TRHDE: variants seen among roughly 807,000 people sequenced by gnomAD.
The protein encoded by TRHDE is thyrotropin-releasing hormone-degrading ectoenzyme.
A neutral mutation model predicts 125.7 loss-of-function variants in TRHDE; 72 were observed. The ratio of observed to expected loss-of-function variants is 0.57; its 90% CI spans 0.47 to 0.70. The LOEUF (loss-of-function observed/expected upper bound fraction) is 0.70. TRHDE is among the 30% of genes least tolerant of loss of function. The pLI is 0.00. For missense variants in TRHDE, 1,110 were observed against 1,327.1 expected, an observed-to-expected ratio of 0.84 and a Z score of 2.54; for synonymous variants, 509 against 509.1, an observed-to-expected ratio of 1.00 and a Z score of 0.00.
intron 1 of TRHDE, among the ~76,000 whole-genome samples, chr12:72,092,052 G>T (rs1874804420): frequency 6.6e-6 from 1 of 152,184 alleles, no homozygotes; most frequent in South Asian, 2.1e-4. Flanking sequence ...GTCTCAGGCA[G>T]TAACAGTAGT....
At chr12:72,594,837 A>T (rs1377719868) in intron 12 of TRHDE, among the ~76,000 whole-genome samples, 1 of 151,950 alleles carries the variant, frequency 6.6e-6, no homozygotes, top group Non-Finnish European at 1.5e-5. Context: ...GGCACTATTC[A>T]CAATAGCAAA....
At chr12:72,447,024 C>T (rs992247541) in intron 3 of TRHDE, among the ~76,000 whole-genome samples, 3 of 152,144 alleles carry the variant, frequency 2.0e-5, no homozygotes, top group African/African-American at 7.2e-5. Flanking sequence ...ACCTAATAGA[C>T]ATCTACAGAA....
At chr12:72,171,234 C>A (rs1876866818) in intron 2 of TRHDE, among the ~76,000 whole-genome samples, 1 of 150,966 alleles carries the variant, frequency 6.6e-6, no homozygotes, top group East Asian at 1.9e-4. Context: ...GAAAAAGAGG[C>A]CTTATCTAAA....
At chr12:72,456,576 A>G (rs1340020558) in intron 3 of TRHDE, among the ~76,000 whole-genome samples, 2 of 152,074 alleles carry the variant, frequency 1.3e-5, no homozygotes, top group Non-Finnish European at 2.9e-5. Flanking sequence ...TGTCGTTTTG[A>G]GCTAAAGAAC....
chr12:72,227,398 A>G (rs1395795133), intron 2 of TRHDE, among the ~76,000 whole-genome samples: 2 of 152,088 alleles, frequency 1.3e-5, no homozygotes, highest in Non-Finnish European at 2.9e-5. Flanking sequence ...AAAACCATCA[A>G]TCTCATGAAA....
At chr12:72,234,188 C>T (rs761613206) in intron 2 of TRHDE, among the ~76,000 whole-genome samples, 112 of 152,002 alleles carry the variant, frequency 7.4e-4, no homozygotes, top group Admixed American at 3.5e-3. Context: ...CTAAGTGATA[C>T]GGAGAAAATA....
intron 6 of TRHDE, among the ~76,000 whole-genome samples, chr12:72,534,682 T>G (rs1033985188): frequency 4.6e-5 from 7 of 152,238 alleles, no homozygotes; most frequent in African/African-American, 1.2e-4. Context: ...TAATTTAAAT[T>G]AATTCTAAGA....
chr12:72,578,998 T>A (rs1871124978), intron 12 of TRHDE, among the ~76,000 whole-genome samples: 1 of 150,586 alleles, frequency 6.6e-6, no homozygotes, highest in East Asian at 1.9e-4. Flanking sequence ...TTTTTTTTTT[T>A]ATGAACAGAA....
chr12:72,316,764 AAG>A (rs1430482432), intron 2 of TRHDE, among the ~76,000 whole-genome samples: 3 of 152,192 alleles, frequency 2.0e-5, no homozygotes, highest in African/African-American at 7.2e-5. Flanking sequence ...TTTAAAAAAT[AAG>A]AGTGCATTGG....
intron 12 of TRHDE, among the ~76,000 whole-genome samples, chr12:72,603,845 A>G (rs1348325959): frequency 6.6e-6 from 1 of 152,224 alleles, no homozygotes; most frequent in Non-Finnish European, 1.5e-5. Context: ...ATTAACACTG[A>G]GACACATGTT....
At chr12:72,515,587 G>C (rs1001732430) in intron 6 of TRHDE, among the ~76,000 whole-genome samples, 1 of 152,072 alleles carries the variant, frequency 6.6e-6, no homozygotes, top group African/African-American at 2.4e-5. Flanking sequence ...CCATGTTGTA[G>C]GTTGTCTGTT....
intron 3 of TRHDE, among the ~76,000 whole-genome samples, chr12:72,429,405 C>T (rs927413180): frequency 8.0e-5 from 12 of 149,266 alleles, no homozygotes; most frequent in Non-Finnish European, 1.6e-4. Flanking sequence ...AAAGATATAC[C>T]ACATTTTATT....
At chr12:72,640,511 G>A (rs961518099) in intron 15 of TRHDE, among the ~76,000 whole-genome samples, 3 of 152,056 alleles carry the variant, frequency 2.0e-5, no homozygotes, top group Admixed American at 1.3e-4. Flanking sequence ...GTTCCTATTC[G>A]GCCATCTTCT....
intron 2 of TRHDE, among the ~76,000 whole-genome samples, chr12:72,214,171 G>A (rs1275722654): frequency 6.6e-6 from 1 of 152,112 alleles, no homozygotes; most frequent in East Asian, 1.9e-4. Context: ...TTTTTAGAGA[G>A]GGCACGAAGG....
At chr12:72,498,147 T>C (rs1249551736) in intron 5 of TRHDE, among the ~76,000 whole-genome samples, 1 of 152,114 alleles carries the variant, frequency 6.6e-6, no homozygotes, top group African/African-American at 2.4e-5. Flanking sequence ...GGCCATAGAC[T>C]ATAAAACATA....
chr12:72,111,425 G>A (rs552071883), intron 2 of TRHDE, among the ~76,000 whole-genome samples: 1 of 152,150 alleles, frequency 6.6e-6, no homozygotes, highest in African/African-American at 2.4e-5. Context: ...AGTTTAGAAA[G>A]GCTACTTATT....
At chr12:72,612,950 G>T (rs1872687146) in intron 12 of TRHDE, among the ~76,000 whole-genome samples, 1 of 152,176 alleles carries the variant, frequency 6.6e-6, no homozygotes, top group East Asian at 1.9e-4. Flanking sequence ...AAGTTAGCAT[G>T]TGTAGAGAAG....
intron 7 of TRHDE, among the ~76,000 whole-genome samples, chr12:72,554,434 C>A (rs1414357350): frequency 6.6e-6 from 1 of 152,132 alleles, no homozygotes; most frequent in African/African-American, 2.4e-5. Flanking sequence ...GATCACATGA[C>A]TGGTAGGAAT....
At chr12:72,262,984 T>C (rs1878984971) in intron 2 of TRHDE, 1 of 152,124 alleles carries the variant, frequency 6.6e-6, no homozygotes, top group Admixed American at 6.6e-5. Flanking sequence ...ATAAAAACCA[T>C]TTGATATTAA....
Sources: gnomAD v4.1 joint callset for allele counts (sites outside exome capture counted in the v4.1 genomes callset) on GRCh38, gnomAD v4.1.1 for gene constraint, MANE v1.5 for transcripts, NCBI Gene and HGNC (gene_info 2026-07-23, HGNC 2026-07-21) for gene names.